Variants in SREBF2 observed in about 807,000 individuals in gnomAD.
SREBF2 encodes sterol regulatory element-binding protein 2.
In SREBF2, 55 loss-of-function variants were observed where a neutral mutation model predicts 113.1. The observed-to-expected ratio is 0.49, with a 90% CI of 0.39 to 0.61. The LOEUF (loss-of-function observed/expected upper bound fraction) is 0.61, where lower values mean the gene tolerates loss of function less well. Among genes scored for constraint, SREBF2 ranks in the 20% least tolerant of loss-of-function variants. The pLI, the probability that SREBF2 is intolerant of heterozygous loss-of-function variation, is 0.00. For missense variants in SREBF2, 1,349 were observed against 1,487.4 expected, an observed-to-expected ratio of 0.91 and a Z score of 1.53; for synonymous variants, 593 against 605.7, an observed-to-expected ratio of 0.98 and a Z score of 0.31.
chr22:41,880,944 C>T lies in SREBF2; in HGVS notation c.1990C>T (p.Arg664Trp), dbSNP rs1436274881. Residue 664 changes from arginine to tryptophan, a missense_variant, in exon 10 of 19, where the codon CGG becomes TGG. Arg to Trp is a moderately radical substitution (Grantham distance 101). Coordinates refer to ENST00000361204, the MANE Select transcript of SREBF2 (RefSeq NM_004599.4). ...GFEDEAKTSA[R>W]DAALAYHRLH... ...TGAAGACGAAGCTAAGACCAGCGCC[C>T]GGGATGCGGCTCTGGCCTATCACCG... 8 of 1,611,730 alleles carry T rather than the reference C, an allele frequency of 5.0e-6. No homozygotes were observed. Among genetic ancestry groups the T allele is most frequent in the South Asian group, 2.2e-5 (2 of 91,054 alleles).
At chr22:41,863,947 T>C (rs1160394051) in intron 1 of SREBF2, among the ~76,000 whole-genome samples, 3 of 151,556 alleles carry the variant, frequency 2.0e-5, no homozygotes, top group Non-Finnish European at 2.9e-5. Context: ...AGTGACGCAG[T>C]CATCTCGGCT....
At chr22:41,871,383 G>T (rs1159986171) in intron 4 of SREBF2, among the ~76,000 whole-genome samples, 1 of 152,158 alleles carries the variant, frequency 6.6e-6, no homozygotes, top group Non-Finnish European at 1.5e-5. Context: ...CCAAGGTGAA[G>T]AACATGGAAG....
At chr22:41,862,344 C>T (rs1198791532) in intron 1 of SREBF2, among the ~76,000 whole-genome samples, 1 of 152,228 alleles carries the variant, frequency 6.6e-6, no homozygotes, top group Non-Finnish European at 1.5e-5. Flanking sequence ...AACCCAGATA[C>T]AGTTTCCTGG....
chr22:41,874,115 T>G, intron 5 of SREBF2, 96 bp downstream of exon 5: 3 of 1,264,342 alleles, frequency 2.4e-6, no homozygotes, highest in Non-Finnish European at 3.4e-6. Context: ...TCAAGGTAAG[T>G]GAATACAAGA....
chr22:41,837,870 A>T (rs1378827434), intron 1 of SREBF2, among the ~76,000 whole-genome samples: 3 of 151,796 alleles, frequency 2.0e-5, no homozygotes, highest in Admixed American at 6.6e-5. Context: ...AAAAAAAAAA[A>T]AAAAAGAAAG....
At chr22:41,855,755 CTTTT>C (rs572611963) in intron 1 of SREBF2, among the ~76,000 whole-genome samples, 2 of 141,138 alleles carry the variant, frequency 1.4e-5, no homozygotes, top group African/African-American at 2.6e-5. Flanking sequence ...TGTAGTATAA[CTTTT>C]TTTTTTTTTT....
At chr22:41,905,321 A>T (rs1262015558) in intron 18 of SREBF2, 119 bp from the exon 19 acceptor site, 1 of 1,004,022 alleles carries the variant, frequency 1.0e-6, no homozygotes, top group Non-Finnish European at 1.5e-6. Context: ...TGGGTGGGGC[A>T]GCAGACCCCA....
At chr22:41,876,828 C>T (rs1346065158) in intron 7 of SREBF2, among the ~76,000 whole-genome samples, 3 of 152,112 alleles carry the variant, frequency 2.0e-5, no homozygotes, top group African/African-American at 4.8e-5. Flanking sequence ...CTTTTGTACA[C>T]CTTTGCAGGT....
intron 10 of SREBF2, among the ~76,000 whole-genome samples, chr22:41,881,295 G>T (rs2077243409): frequency 6.6e-6 from 1 of 152,186 alleles, no homozygotes. Context: ...TAAATTAATG[G>T]TGAGACTTAA....
At chr22:41,840,729 G>A (rs535660542) in intron 1 of SREBF2, among the ~76,000 whole-genome samples, 1 of 152,260 alleles carries the variant, frequency 6.6e-6, no homozygotes, top group Admixed American at 6.5e-5. Flanking sequence ...TTTCTTCTCT[G>A]GAAGCTTTTG....
chr22:41,895,997 CA>C (rs2077412946), intron 13 of SREBF2, among the ~76,000 whole-genome samples: 2 of 151,950 alleles, frequency 1.3e-5, no homozygotes. Flanking sequence ...AAAAATTAGC[CA>C]GGCGTGGTGG....
intron 10 of SREBF2, among the ~76,000 whole-genome samples, chr22:41,883,063 A>C (rs867020818): frequency 1.3e-5 from 2 of 152,196 alleles, no homozygotes; most frequent in Non-Finnish European, 2.9e-5. Context: ...GCGAGCTGTG[A>C]TTGTGCCACT....
At chr22:41,864,258 A>G (rs2077052207) in intron 1 of SREBF2, among the ~76,000 whole-genome samples, 1 of 73,066 alleles carries the variant, frequency 1.4e-5, no homozygotes, top group Non-Finnish European at 2.7e-5. Flanking sequence ...ATATATATAT[A>G]TATACACACA....
intron 14 of SREBF2, 42 bp from the exon 15 acceptor site, chr22:41,898,607 T>G: frequency 6.2e-7 from 1 of 1,612,822 alleles, no homozygotes; most frequent in Non-Finnish European, 8.5e-7. Flanking sequence ...CAGGTCTCGT[T>G]TCTGTGGGTG....
chr22:41,849,997 G>A (rs934984393), intron 1 of SREBF2, among the ~76,000 whole-genome samples: 14 of 151,242 alleles, frequency 9.3e-5, no homozygotes, highest in Admixed American at 5.3e-4. Context: ...AAAATTAGCC[G>A]GGCGTAGTGG....
rs1179996682 is a variant in SREBF2, at chr22:41,884,955, C to G, written c.2152C>G (p.Leu718Val). 2 of 1,614,116 alleles carry G rather than the reference C, an allele frequency of 1.2e-6. No individual in the cohort carries two copies. Among genetic ancestry groups the G allele is most frequent in the Non-Finnish European group, 1.7e-6 (2 of 1,180,040 alleles). Residue 718 changes from leucine to valine, a missense_variant, in exon 11 of 19, where the codon CTG becomes GTG. This residue lies in a region of SREBF2 where 650 missense variants were observed against 644.1 expected (regional missense o/e 1.01). Transcript: ENST00000361204. ...IPPSTLVEIH[L>V]TAAMGLKTRC... Reference sequence around the variant, plus strand: ...ACCGAGCACACTGGTTGAGATCCATCTGACTGCTGCCATGGGGCTCAAGAC... The same window carrying G: ...ACCGAGCACACTGGTTGAGATCCATGTGACTGCTGCCATGGGGCTCAAGAC...
intron 16 of SREBF2, 90 bp from the exon 17 acceptor site, chr22:41,902,880 G>T (rs2077476392): frequency 7.3e-7 from 1 of 1,372,618 alleles, no homozygotes; most frequent in Non-Finnish European, 1.0e-6. Flanking sequence ...GCTGAGTGTT[G>T]GTCTGGGGAG....
intron 10 of SREBF2, among the ~76,000 whole-genome samples, chr22:41,881,832 G>A (rs1250096953): frequency 6.6e-6 from 1 of 152,170 alleles, no homozygotes; most frequent in East Asian, 1.9e-4. Flanking sequence ...AGCACTTTGG[G>A]AGACTGAGGC....
At chr22:41,873,653 T>G in intron 4 of SREBF2, 145 bp from the exon 5 acceptor site, 1 of 811,004 alleles carries the variant, frequency 1.2e-6, no homozygotes, top group Non-Finnish European at 2.0e-6. Flanking sequence ...TGGGGCCTGA[T>G]TTGATTAACC....
Sources: gnomAD v4.1 joint callset for allele counts (sites outside exome capture counted in the v4.1 genomes callset) on GRCh38, gnomAD v4.1.1 for gene constraint, gnomAD v4.1.1 regional missense constraint, MANE v1.5 for transcripts, NCBI Gene and HGNC (gene_info 2026-07-23, HGNC 2026-07-21) for gene names.